The following SP110 variants were observed in gnomAD, a reference collection of about 807,000 sequenced individuals.
SP110 encodes the protein interferon-induced protein 41, 30kD.
Under a neutral mutation model 92.7 loss-of-function variants are expected in SP110, and 62 were observed. The ratio of observed to expected loss-of-function variants is 0.67; its 90% CI spans 0.55 to 0.83. The LOEUF is 0.83. Among genes scored for constraint, SP110 ranks in the 40% least tolerant of loss-of-function variants. SP110 has a pLI of 0.00. For missense variants in SP110, 793 were observed against 863.9 expected (o/e 0.92, Z 1.03); for synonymous variants, 273 against 305.3 (o/e 0.89, Z 1.10).
rs1167594483 is a variant in SP110 at position 230,200,886 on chromosome 2, T to C, written c.1128A>G (p.Gln376=). ...AGACCAGCAATCTCCAAGTTTTACC[T>C]TGTGTGACCCTTCGTGGTGTACTAG... is the stretch of plus-strand genomic sequence containing the variant. ...KTPSTPRRVT[Q]GAASPGHGIQ... is the part of the protein sequence containing the mutation. The change falls in exon 10 of 19, where the codon CAA becomes CAG. Residue 376 remains glutamine, a splice_region_variant and synonymous_variant. Transcript: ENST00000258381. 2 of 1,610,672 alleles carry C rather than the reference T, an allele frequency of 1.2e-6. No homozygotes were observed. The highest frequency in any genetic ancestry group is 1.7e-6 in the Non-Finnish European group (2 of 1,176,846).
intron 11 of SP110, 61 bp downstream of exon 11, chr2:230,185,933 T>A (rs1476638499): frequency 7.0e-6 from 10 of 1,432,596 alleles, no homozygotes; most frequent in Non-Finnish European, 9.9e-6. Flanking sequence ...GACCCTGTAC[T>A]GCTCCAAGAG....
chr2:230,214,852 G>A (rs540562254), intron 3 of SP110, 98 bp downstream of exon 3: 14 of 980,270 alleles, frequency 1.4e-5, no homozygotes, highest in Admixed American at 3.5e-5. Flanking sequence ...GAGAGAAGGC[G>A]GGGGATTAAC....
At position 230,211,363 on chromosome 2, in the gene SP110, G is replaced by A; in HGVS notation, c.751+107C>T. On this transcript the variant is annotated intron_variant, in intron 6 of 18. Transcript: ENST00000258381. This position sits in a 1 kb window ranked among gnomAD's most constrained non-coding sequence, Gnocchi z 4.2. ...GTGAACTGGAAGCTGGGCCAAGATT[G>A]CTGAGAGGCAGGAGGAGAGCCCCCT... 1.3e-6 allele frequency: 1 copy of A among 788,696 alleles called. No individual in the cohort carries two copies. Among genetic ancestry groups the A allele is most frequent in the African/African-American group, 1.7e-5 (1 of 59,502 alleles). 48.9% of individuals were successfully genotyped at this position (788,696 alleles called of 1,614,324 possible).
At chr2:230,186,839 T>A (rs927963784) in intron 10 of SP110, among the ~76,000 whole-genome samples, 1 of 152,190 alleles carries the variant, frequency 6.6e-6, no homozygotes, top group East Asian at 1.9e-4. Flanking sequence ...TATTTCATTC[T>A]TTTTTTATGG....
At chr2:230,225,329 C>T (rs2046194022) in intron 1 of SP110, among the ~76,000 whole-genome samples, 1 of 152,206 alleles carries the variant, frequency 6.6e-6, no homozygotes, top group South Asian at 2.1e-4. Context: ...CCCCCACTTT[C>T]TAATGCATGC....
At chr2:230,210,298 C>A in intron 6 of SP110, among the ~76,000 whole-genome samples, 1 of 152,144 alleles carries the variant, frequency 6.6e-6, no homozygotes. Context: ...GAAGAAGGTG[C>A]AATGAATGGA....
intron 8 of SP110, among the ~76,000 whole-genome samples, chr2:230,204,387 G>A (rs931823533): frequency 3.3e-5 from 5 of 152,126 alleles, no homozygotes; most frequent in African/African-American, 1.2e-4. Flanking sequence ...TGCTGGCCAC[G>A]GGGTGTGCAG....
In SP110 at chr2:230,168,528, T is replaced by TA. The variant is rs995998997; in HGVS notation, c.*595dup. 1 of 152,494 alleles carries TA rather than the reference T, an allele frequency of 6.6e-6. No individual in the cohort carries two copies. Among genetic ancestry groups the TA allele is most frequent in the Non-Finnish European group, 1.5e-5 (1 of 68,254 alleles). 9.4% of individuals were successfully genotyped at this position (152,494 alleles called of 1,614,324 possible). A position where few individuals can be genotyped will look rare whatever the true frequency, so the allele number is the denominator to read the frequency against. ...CGTGCACCTGCTGCCAACCTTAACATAAAAAATAATACTAAATTCCCCTGT... is the reference window on the plus strand; with the variant it reads ...CGTGCACCTGCTGCCAACCTTAACATAAAAAAATAATACTAAATTCCCCTGT... On this transcript the variant is annotated 3_prime_UTR_variant, in exon 19 of 19. Coordinates refer to ENST00000258381, the MANE Select transcript of SP110 (RefSeq NM_080424.4).
chr2:230,222,599 C>G (rs1191322135), upstream of SP110, among the ~76,000 whole-genome samples: 2 of 151,694 alleles, frequency 1.3e-5, no homozygotes, highest in Non-Finnish European at 2.9e-5. Flanking sequence ...TGGCATACAC[C>G]TGTGGTCCCC....
chr2:230,216,748 T>C (rs947222313), intron 2 of SP110, 33 bp downstream of exon 2: 2 of 1,612,618 alleles, frequency 1.2e-6, no homozygotes, highest in Non-Finnish European at 1.7e-6. Flanking sequence ...TGGTGGGGGC[T>C]GGGCTGCCAT....
chr2:230,174,019 C>G (rs1382898281), intron 14 of SP110: 1 of 152,186 alleles, frequency 6.6e-6, no homozygotes, highest in African/African-American at 2.4e-5. Flanking sequence ...TAACATCACC[C>G]TGAAGACACC....
intron 1 of SP110, among the ~76,000 whole-genome samples, chr2:230,217,407 A>G (rs2045336171): frequency 6.6e-6 from 1 of 152,164 alleles, no homozygotes; most frequent in Admixed American, 6.5e-5. Context: ...TATAGGAAAC[A>G]AGGACAATTC....
Position 230,185,982 on chromosome 2 carries a change from CA to C in SP110, c.1279+11del. On this transcript the variant is annotated intron_variant, in intron 11 of 18. Transcript: ENST00000258381. ...GAGCTATTCAAATAGCAGATTCCATCATTAGCCTTACCTTTCAATCTGGACT... is the reference window on the plus strand; with the variant it reads ...GAGCTATTCAAATAGCAGATTCCATCTTAGCCTTACCTTTCAATCTGGACT... 4 of 1,613,444 alleles carry C rather than the reference CA, an allele frequency of 2.5e-6. No individual in the cohort carries two copies. The East Asian group carries it at 8.9e-5, about 36-fold the overall frequency.
chr2:230,206,817 A>G (rs1037826543), intron 8 of SP110, among the ~76,000 whole-genome samples: 2 of 151,674 alleles, frequency 1.3e-5, no homozygotes, highest in African/African-American at 4.8e-5. Context: ...ACACCATGAG[A>G]ATTAGAGCTA....
intron 9 of SP110, 102 bp downstream of exon 9, chr2:230,202,477 T>C (rs2043278934): frequency 9.0e-7 from 1 of 1,108,904 alleles, no homozygotes; most frequent in Non-Finnish European, 1.4e-6. Context: ...TACTTTTTCC[T>C]TTTACTATTG....
chr2:230,205,863 T>C (rs1417037747), intron 8 of SP110, among the ~76,000 whole-genome samples: 1 of 152,136 alleles, frequency 6.6e-6, no homozygotes, highest in Non-Finnish European at 1.5e-5. Flanking sequence ...AAGGTGGTAA[T>C]TGAAGTTGTG....
Position 230,211,707 on chromosome 2 carries a change from A to C in SP110, c.668-154T>G, listed in dbSNP as rs1174782409. 6.6e-6 allele frequency among the ~76,000 whole-genome samples: 1 copy of C among 152,182 alleles called. No homozygotes were observed. The highest frequency in any genetic ancestry group is 1.5e-5 in the Non-Finnish European group (1 of 68,026). ...ATGGCATAGAGTGGGAAAGTAAGCA[A>C]CCATTCACTCTCAATTAGCCACTTG... On this transcript the variant is annotated intron_variant, in intron 5 of 18. Transcript: ENST00000258381. The surrounding 1 kb of genome is among the most constrained non-coding windows in gnomAD (Gnocchi z 4.2).
chr2:230,193,723 A>G (rs577070893), intron 10 of SP110, among the ~76,000 whole-genome samples: 47 of 152,170 alleles, frequency 3.1e-4, no homozygotes, highest in Non-Finnish European at 2.9e-4. Flanking sequence ...CTGAGGAATC[A>G]TGTATTTTTC....
chr2:230,217,281 G>A (rs2045322009), intron 1 of SP110, among the ~76,000 whole-genome samples: 1 of 148,868 alleles, frequency 6.7e-6, no homozygotes, highest in Non-Finnish European at 1.5e-5. Flanking sequence ...GCAAAACCTT[G>A]AGGAATGTGG....
Sources: gnomAD v4.1 joint callset for allele counts (sites outside exome capture counted in the v4.1 genomes callset) on GRCh38, gnomAD v4.1.1 for gene constraint, Gnocchi (gnomAD v3.1) non-coding constraint, MANE v1.5 for transcripts, NCBI Gene and HGNC (gene_info 2026-07-23, HGNC 2026-07-21) for gene names.